Variants in REC114 observed in about 807,000 individuals in gnomAD.
REC114 encodes the protein REC114 meiotic recombination protein, also known as meiotic recombination protein REC114.
In REC114, 27 loss-of-function variants were observed where a neutral mutation model predicts 31.3. That is an observed-to-expected ratio of 0.86 (90% CI 0.64 to 1.19). The LOEUF is 1.19. REC114 is among the 50% of genes most tolerant of loss of function. The pLI is 0.00. For missense variants in REC114, 344 were observed against 326.9 expected (o/e 1.05, Z -0.40); for synonymous variants, 134 against 127.7 (o/e 1.05, Z -0.33).
intron 2 of REC114, among the ~76,000 whole-genome samples, chr15:73,494,023 C>T (rs1259078504): frequency 2.6e-5 from 4 of 152,120 alleles, no homozygotes; most frequent in Non-Finnish European, 5.9e-5. Context: ...CTGCCAGTGT[C>T]TTCTCTTTCT....
intron 1 of REC114, among the ~76,000 whole-genome samples, chr15:73,449,900 G>A (rs1239705673): frequency 1.3e-5 from 2 of 152,118 alleles, no homozygotes; most frequent in African/African-American, 4.8e-5. Flanking sequence ...GCCAAACTAA[G>A]CTTCATAAGC....
At chr15:73,550,348 T>TACAGCAAATTAAAG (rs375835463) in intron 3 of REC114, among the ~76,000 whole-genome samples, 3 of 152,196 alleles carry the variant, frequency 2.0e-5, no homozygotes, top group African/African-American at 7.2e-5. Flanking sequence ...ATGTGACTCA[T>TACAGCAAATTAAAG]ACAGCAAATT....
At chr15:73,529,430 G>A (rs1245580082) in intron 2 of REC114, among the ~76,000 whole-genome samples, 5 of 152,140 alleles carry the variant, frequency 3.3e-5, no homozygotes, top group African/African-American at 4.8e-5. Context: ...GAGCCACTGC[G>A]CCTGGCTGGT....
intron 3 of REC114, among the ~76,000 whole-genome samples, chr15:73,548,348 C>T (rs1286101109): frequency 6.6e-6 from 1 of 152,212 alleles, no homozygotes; most frequent in East Asian, 1.9e-4. Flanking sequence ...ACCTTGTGAT[C>T]CTCCTGCCTT....
chr15:73,520,375 C>T (rs976849899), intron 2 of REC114, among the ~76,000 whole-genome samples: 4 of 152,166 alleles, frequency 2.6e-5, no homozygotes, highest in East Asian at 3.9e-4. Flanking sequence ...GGATTACAGG[C>T]GTGTGCCACC....
intron 2 of REC114, among the ~76,000 whole-genome samples, chr15:73,530,438 G>A (rs2141324404): frequency 6.6e-6 from 1 of 152,176 alleles, no homozygotes; most frequent in Middle Eastern, 3.4e-3. Context: ...CAGGCTGGAA[G>A]ATTGCTTGCG....
chr15:73,551,973 ATTACCTGATGAAAT>A (rs1894399402), intron 4 of REC114, among the ~76,000 whole-genome samples: 2 of 152,214 alleles, frequency 1.3e-5, no homozygotes, highest in Non-Finnish European at 2.9e-5. Flanking sequence ...TTTATAAGTA[ATTACCTGATGAAAT>A]GTGTCAATAT....
chr15:73,543,942 CTTTTT>C (rs34215297), intron 3 of REC114, among the ~76,000 whole-genome samples: 3 of 74,132 alleles, frequency 4.0e-5, no homozygotes, highest in African/African-American at 1.0e-4. Context: ...TGTTAACTGG[CTTTTT>C]TTTTTTTTTT....
chr15:73,540,597 TCTC>T (rs1369752894), intron 3 of REC114, 29 bp downstream of exon 3: 2 of 1,571,636 alleles, frequency 1.3e-6, no homozygotes. Flanking sequence ...ATCACACTCT[TCTC>T]ATCTTCTATG....
intron 1 of REC114, among the ~76,000 whole-genome samples, chr15:73,453,166 CA>C (rs1461715426): frequency 6.6e-6 from 1 of 152,132 alleles, no homozygotes; most frequent in Non-Finnish European, 1.5e-5. Context: ...TTCTGCACAG[CA>C]AAAGAAACTA....
At chr15:73,514,848 A>G (rs1893835771) in intron 2 of REC114, among the ~76,000 whole-genome samples, 1 of 152,188 alleles carries the variant, frequency 6.6e-6, no homozygotes, top group African/African-American at 2.4e-5. Context: ...TATCTGCTGT[A>G]ATTGGCATAA....
At chr15:73,516,310 T>C (rs962199495) in intron 2 of REC114, among the ~76,000 whole-genome samples, 1 of 152,018 alleles carries the variant, frequency 6.6e-6, no homozygotes, top group African/African-American at 2.4e-5. Flanking sequence ...ATTAATAAAA[T>C]TAAGGTTCTG....
chr15:73,505,426 A>G (rs1192661211), intron 2 of REC114, among the ~76,000 whole-genome samples: 3 of 152,156 alleles, frequency 2.0e-5, no homozygotes, highest in African/African-American at 7.2e-5. Flanking sequence ...AGATTTTTCT[A>G]CGCATCCCTT....
At chr15:73,517,897 G>A (rs1893882898) in intron 2 of REC114, among the ~76,000 whole-genome samples, 1 of 152,176 alleles carries the variant, frequency 6.6e-6, no homozygotes, top group South Asian at 2.1e-4. Context: ...GGAGGTTGAA[G>A]AGAATAAGAT....
chr15:73,555,994 C>A (rs530311066), intron 4 of REC114, among the ~76,000 whole-genome samples: 137 of 152,246 alleles, frequency 9.0e-4, no homozygotes, highest in African/African-American at 2.7e-3. Context: ...GTCCTGAATC[C>A]TAGGCTGGGC....
chr15:73,487,492 A>G (rs1186141736), intron 2 of REC114, among the ~76,000 whole-genome samples: 1 of 152,286 alleles, frequency 6.6e-6, no homozygotes. Flanking sequence ...GAAGAAAGGG[A>G]TAACAGGTTC....
intron 2 of REC114, among the ~76,000 whole-genome samples, chr15:73,523,080 A>G (rs1316412351): frequency 1.3e-5 from 2 of 152,142 alleles, no homozygotes; most frequent in Non-Finnish European, 2.9e-5. Flanking sequence ...TCCTTTGTGA[A>G]GTGTCTGTTG....
chr15:73,463,748 G>A (rs1893020224), intron 1 of REC114, among the ~76,000 whole-genome samples: 2 of 151,920 alleles, frequency 1.3e-5, no homozygotes, highest in Non-Finnish European at 2.9e-5. Flanking sequence ...TTGAACCCAC[G>A]AGACAGAGGT....
intron 2 of REC114, among the ~76,000 whole-genome samples, chr15:73,474,560 C>G (rs1048904665): frequency 6.6e-6 from 1 of 152,118 alleles, no homozygotes; most frequent in Non-Finnish European, 1.5e-5. Flanking sequence ...TATCATTTAG[C>G]TGTGAATGGG....
Sources: allele counts gnomAD v4.1 joint callset (sites outside exome capture counted in the v4.1 genomes callset), GRCh38; gene constraint gnomAD v4.1.1; transcripts MANE v1.5; gene names NCBI Gene and HGNC (gene_info 2026-07-23, HGNC 2026-07-21).